Variants in GPHN observed in about 807,000 individuals in gnomAD.
The protein encoded by GPHN is gephyrin.
GPHN carries 17 observed loss-of-function variants against 95.5 expected under a neutral mutation model. The observed-to-expected ratio is 0.18, with a 90% CI of 0.12 to 0.27. The LOEUF (loss-of-function observed/expected upper bound fraction) is 0.27. Among genes scored for constraint, GPHN ranks in the 10% least tolerant of loss-of-function variants. The probability of loss-of-function intolerance (pLI) is 1.00; values close to 1 mark genes in which losing one functional copy is unlikely to be tolerated. For missense variants in GPHN, 660 were observed against 978.1 expected (o/e 0.67, Z 4.34); for synonymous variants, 320 against 322.5 (o/e 0.99, Z 0.08).
chr14:66,995,985 A>AT lies in GPHN; in HGVS notation c.964-27642dup, dbSNP rs1242585630. On this transcript the variant is annotated intron_variant, in intron 9 of 22. Transcript: ENST00000478722. ...ATCATGGATTTTTTTTTAGCAAGGT[A>AT]TTTTTTGTCACAAAGTTTTCCTTCA... Among the ~76,000 whole-genome samples the AT allele has an allele frequency of 3.5e-4, 53 of 152,018 alleles. 1 individual carries two copies. Among genetic ancestry groups the AT allele is most frequent in the Admixed American group, 2.0e-4 (3 of 15,252 alleles).
the GPHN span, among the ~76,000 whole-genome samples, chr14:67,718,966 A>C: frequency 3.3e-5 from 5 of 152,250 alleles, no homozygotes; most frequent in African/African-American, 1.2e-4. Flanking sequence ...GGCAGAGATA[A>C]ATTGATAAAA....
chr14:67,725,903 G>T, the GPHN span: 1 of 712,288 alleles, frequency 1.4e-6, no homozygotes, highest in Admixed American at 1.9e-5. Flanking sequence ...TGTTTTAAAA[G>T]GAAGGGGCAG....
At chr14:67,280,488 T>A in the GPHN span, among the ~76,000 whole-genome samples, 1 of 152,244 alleles carries the variant, frequency 6.6e-6, no homozygotes, top group Admixed American at 6.5e-5. Flanking sequence ...CATTGTTTCA[T>A]GTAATAAAAT....
chr14:67,667,345 T>C, the GPHN span, among the ~76,000 whole-genome samples: 1 of 152,152 alleles, frequency 6.6e-6, no homozygotes, highest in African/African-American at 2.4e-5. Flanking sequence ...TGCCTCACTG[T>C]GGCAAAATGG....
the GPHN span, among the ~76,000 whole-genome samples, chr14:67,489,991 A>T: frequency 2.8e-5 from 1 of 35,870 alleles, no homozygotes; most frequent in Admixed American, 2.5e-4. Flanking sequence ...CTCCGTCTCA[A>T]AAAAAAAAAA....
the GPHN span, chr14:67,577,991 G>A: frequency 6.3e-7 from 1 of 1,597,338 alleles, no homozygotes; most frequent in Non-Finnish European, 8.5e-7. Flanking sequence ...GGGGATGCTG[G>A]TCTGCCTGTG....
At position 67,089,124 on chromosome 14, in the gene GPHN, TC is replaced by T. The variant is rs770474556; in HGVS notation, c.1237+50del. ...CATAATCAGGCACTGTATTTTTTTT[TC>T]TTTTTTTCTTTTTTTTTTTTTTTTT... On this transcript the variant is annotated intron_variant, in intron 12 of 22. Coordinates refer to ENST00000478722, the MANE Select transcript of GPHN (RefSeq NM_020806.5). 2,454 of 630,348 alleles carry T rather than the reference TC, an allele frequency of 3.9e-3. 64 individuals carry two copies. Among genetic ancestry groups the T allele is most frequent in the Middle Eastern group, 6.3e-3 (17 of 2,686 alleles). The allele number at this position is 630,348 out of a possible 1,614,324, so 39.0% of individuals were successfully genotyped here.
chr14:67,253,624 T>A, the GPHN span, among the ~76,000 whole-genome samples: 1 of 152,144 alleles, frequency 6.6e-6, no homozygotes, highest in East Asian at 1.9e-4. Flanking sequence ...GCAAGAGGAC[T>A]GCTTGAGCCC....
the GPHN span, among the ~76,000 whole-genome samples, chr14:67,324,561 T>A: frequency 6.6e-6 from 1 of 151,730 alleles, no homozygotes; most frequent in Non-Finnish European, 1.5e-5. Flanking sequence ...TTCTTTTGAT[T>A]GTTTTTTTTG....
At chr14:67,224,812 A>T in the GPHN span, 1 of 262,334 alleles carries the variant, frequency 3.8e-6, no homozygotes, top group Admixed American at 5.4e-5. Flanking sequence ...AAATATTACA[A>T]ACCAAATTCC....
At chr14:66,657,108 G>GA (rs1455133620) in intron 1 of GPHN, among the ~76,000 whole-genome samples, 1 of 152,186 alleles carries the variant, frequency 6.6e-6, no homozygotes. Flanking sequence ...TGAATGATAA[G>GA]AAAGTAAAAC....
At chr14:67,393,214 G>A in the GPHN span, 1 of 1,613,856 alleles carries the variant, frequency 6.2e-7, no homozygotes, top group Admixed American at 1.7e-5. Flanking sequence ...TTCCGGTGTT[G>A]CTATCGTGCA....
the GPHN span, chr14:67,376,569 A>C: frequency 6.2e-7 from 1 of 1,614,022 alleles, no homozygotes; most frequent in Non-Finnish European, 8.5e-7. Flanking sequence ...GGTGCCTATG[A>C]TGCATTTAAG....
At chr14:66,859,176 T>C (rs2062923862) in intron 4 of GPHN, among the ~76,000 whole-genome samples, 1 of 152,168 alleles carries the variant, frequency 6.6e-6, no homozygotes, top group Non-Finnish European at 1.5e-5. Flanking sequence ...AGCAGCCAGA[T>C]AGTGGTTACA....
chr14:67,434,080 A>G, the GPHN span, among the ~76,000 whole-genome samples: 2 of 152,224 alleles, frequency 1.3e-5, no homozygotes, highest in African/African-American at 4.8e-5. Flanking sequence ...CAAAATAGCT[A>G]AAGAACAGAT....
chr14:67,105,490 C>A (rs938548961), intron 13 of GPHN, among the ~76,000 whole-genome samples: 1 of 152,030 alleles, frequency 6.6e-6, no homozygotes, highest in African/African-American at 2.4e-5. Context: ...ATAAATAATA[C>A]CTGCTTTATA....
At chr14:66,696,513 C>T (rs557725646) in intron 2 of GPHN, among the ~76,000 whole-genome samples, 1 of 152,152 alleles carries the variant, frequency 6.6e-6, no homozygotes, top group Non-Finnish European at 1.5e-5. Flanking sequence ...CTAGAAATAT[C>T]GAAAGACACT....
chr14:67,462,320 T>C, the GPHN span, among the ~76,000 whole-genome samples: 3,773 of 152,300 alleles, frequency 0.025, 51 homozygotes, highest in Middle Eastern at 0.041. Context: ...GGAAAGGGAC[T>C]GGTTGCAACT....
intron 3 of GPHN, among the ~76,000 whole-genome samples, chr14:66,816,580 A>G (rs4338730): frequency 0.016 from 2,383 of 152,308 alleles, 33 homozygotes; most frequent in Non-Finnish European, 0.018. Flanking sequence ...ATTAAGGCAA[A>G]AATCAATAAG....
Sources: gnomAD v4.1 joint callset for allele counts (sites outside exome capture counted in the v4.1 genomes callset) on GRCh38, gnomAD v4.1.1 for gene constraint, MANE v1.5 for transcripts, NCBI Gene and HGNC (gene_info 2026-07-23, HGNC 2026-07-21) for gene names.